The following CSMD1 variants were observed in gnomAD, a reference collection of about 807,000 sequenced individuals.
CSMD1 encodes CUB and sushi domain-containing protein 1.
CSMD1 carries 213 observed loss-of-function variants against 417.5 expected under a neutral mutation model. That is an observed-to-expected ratio of 0.51 (90% CI 0.46 to 0.57). The LOEUF is 0.57. Among genes scored for constraint, CSMD1 ranks in the 20% least tolerant of loss-of-function variants. The pLI is 0.00. For missense variants in CSMD1, 6,923 were observed against 4,529.7 expected (o/e 1.53, Z -15.17); for synonymous variants, 2,862 against 1,736.8 (o/e 1.65, Z -16.11).
chr8:3,182,647 A>G, intron 36 of CSMD1, among the ~76,000 whole-genome samples: 6 of 57,948 alleles, frequency 1.0e-4, no homozygotes, highest in Admixed American at 4.5e-4. Flanking sequence ...GTTAGTAGAG[A>G]AGGGGGACTC....
chr8:4,652,536 C>T (rs529872199), intron 1 of CSMD1, among the ~76,000 whole-genome samples: 51 of 152,034 alleles, frequency 3.4e-4, no homozygotes, highest in African/African-American at 1.2e-3. Context: ...CCTGTGATCC[C>T]AGCTACTCAG....
At chr8:3,581,862 T>C (rs1166943470) in intron 9 of CSMD1, among the ~76,000 whole-genome samples, 2 of 152,182 alleles carry the variant, frequency 1.3e-5, no homozygotes, top group Admixed American at 1.3e-4. Context: ...TGGAGTATAG[T>C]GGCACGATCT....
chr8:3,538,834 C>A (rs1349068835), intron 10 of CSMD1, among the ~76,000 whole-genome samples: 1 of 152,176 alleles, frequency 6.6e-6, no homozygotes, highest in Non-Finnish European at 1.5e-5. Flanking sequence ...CTCCTCTCAC[C>A]TGGAGTGCTG....
At position 4,058,607 on chromosome 8, in the gene CSMD1, C is replaced by G. The variant is rs367763929; in HGVS notation, c.416-26508G>C. 6.0e-5 allele frequency among the ~76,000 whole-genome samples: 9 copies of G among 150,936 alleles called. No individual in the cohort carries two copies. The East Asian group carries it at 1.6e-3, about 26-fold the overall frequency. ...AAAGGATGGAGGAAGATCTACCAAG[C>G]AAATGGAAAACAAAAAAAGGCAGGG... On this transcript the variant is annotated intron_variant, in intron 3 of 69. Transcript: ENST00000635120.
chr8:3,682,332 A>G (rs1043015194), intron 7 of CSMD1, among the ~76,000 whole-genome samples: 1 of 152,212 alleles, frequency 6.6e-6, no homozygotes, highest in Non-Finnish European at 1.5e-5. Flanking sequence ...AAAGAACCCA[A>G]ACAAATTTAC....
At chr8:3,708,520 A>C (rs1563295153) in intron 6 of CSMD1, 29 bp from the exon 7 acceptor site, 1 of 1,595,476 alleles carries the variant, frequency 6.3e-7, no homozygotes. Context: ...AGCCATTAGC[A>C]GGTAAGACTT....
chr8:4,617,775 T>G (rs187944058), intron 2 of CSMD1, among the ~76,000 whole-genome samples: 1 of 152,094 alleles, frequency 6.6e-6, no homozygotes, highest in African/African-American at 2.4e-5. Flanking sequence ...TATTAGAAAG[T>G]GAGTTATTTG....
intron 62 of CSMD1, among the ~76,000 whole-genome samples, chr8:2,959,458 C>T (rs899074965): frequency 3.3e-5 from 5 of 152,216 alleles, no homozygotes; most frequent in African/African-American, 9.6e-5. Flanking sequence ...GTTTGCAATT[C>T]CAACCAGACC....
At chr8:3,282,403 A>G (rs1046699876) in intron 26 of CSMD1, among the ~76,000 whole-genome samples, 5 of 152,314 alleles carry the variant, frequency 3.3e-5, no homozygotes, top group South Asian at 2.1e-4. Context: ...ATGCCTGGAG[A>G]ATACAGAATG....
intron 3 of CSMD1, among the ~76,000 whole-genome samples, chr8:4,348,306 A>T (rs1461273141): frequency 6.6e-6 from 1 of 152,086 alleles, no homozygotes; most frequent in African/African-American, 2.4e-5. Flanking sequence ...TGTTCTGTGG[A>T]TGCCTTTGTA....
chr8:2,986,031 C>T lies in CSMD1; in HGVS notation c.8378-7231G>A, dbSNP rs76056415. Reference sequence around the variant, plus strand: ...GGAGAGAGGGAGGGAGGGAGAAAACCGTCTCCATAGAAGAAGGAAGGAAGG... The same window carrying T: ...GGAGAGAGGGAGGGAGGGAGAAAACTGTCTCCATAGAAGAAGGAAGGAAGG... On this transcript the variant is annotated intron_variant, in intron 54 of 69. Transcript: ENST00000635120. 4.7e-3 allele frequency among the ~76,000 whole-genome samples: 682 copies of T among 144,278 alleles called. 5 individuals are homozygous for T. The highest frequency in any genetic ancestry group is 0.017 in the African/African-American group (633 of 36,472). The allele number at this position is 144,278 out of a possible 152,430, so 94.7% of individuals were successfully genotyped here. A position where few individuals can be genotyped will look rare whatever the true frequency, so the allele number is the denominator to read the frequency against.
At chr8:3,560,627 C>T (rs1436647413) in intron 10 of CSMD1, among the ~76,000 whole-genome samples, 6 of 151,974 alleles carry the variant, frequency 3.9e-5, no homozygotes, top group Non-Finnish European at 8.8e-5. Flanking sequence ...AATGAGATGG[C>T]GGGATGATAT....
intron 3 of CSMD1, among the ~76,000 whole-genome samples, chr8:4,179,951 G>T (rs1029601957): frequency 1.3e-5 from 2 of 152,060 alleles, no homozygotes; most frequent in East Asian, 3.9e-4. Context: ...AGGATGTGGA[G>T]AAATAGGAAC....
At chr8:4,201,279 C>T (rs1416730177) in intron 3 of CSMD1, among the ~76,000 whole-genome samples, 2 of 152,174 alleles carry the variant, frequency 1.3e-5, no homozygotes, top group Admixed American at 6.5e-5. Context: ...TGGCTCACGC[C>T]TGTAATCCCA....
At chr8:3,241,115 G>A (rs1224322223) in intron 26 of CSMD1, among the ~76,000 whole-genome samples, 4 of 151,350 alleles carry the variant, frequency 2.6e-5, no homozygotes, top group African/African-American at 9.7e-5. Context: ...TTGGGAAGAA[G>A]GGCGGCAATG....
At chr8:4,119,527 G>GC (rs1802357604) in intron 3 of CSMD1, among the ~76,000 whole-genome samples, 1 of 152,044 alleles carries the variant, frequency 6.6e-6, no homozygotes, top group South Asian at 2.1e-4. Flanking sequence ...GGGGTGCTTG[G>GC]GAAATAACCA....
At chr8:4,569,558 A>C (rs1280107409) in intron 2 of CSMD1, among the ~76,000 whole-genome samples, 1 of 152,134 alleles carries the variant, frequency 6.6e-6, no homozygotes, top group African/African-American at 2.4e-5. Flanking sequence ...CTTGTAATAT[A>C]GTTTGAAGTC....
chr8:3,562,778 G>C (rs1015681545), intron 10 of CSMD1, among the ~76,000 whole-genome samples: 24 of 152,114 alleles, frequency 1.6e-4, no homozygotes, highest in African/African-American at 5.8e-4. Context: ...GAGGGTGGAG[G>C]GTGGGAGGGG....
intron 2 of CSMD1, among the ~76,000 whole-genome samples, chr8:4,470,831 T>A (rs183337141): frequency 3.3e-5 from 5 of 152,330 alleles, no homozygotes; most frequent in African/African-American, 1.2e-4. Flanking sequence ...ATCGATGTTG[T>A]CTCTGGGCTT....
Sources: gnomAD v4.1 joint callset for allele counts (sites outside exome capture counted in the v4.1 genomes callset) on GRCh38, gnomAD v4.1.1 for gene constraint, MANE v1.5 for transcripts, NCBI Gene and HGNC (gene_info 2026-07-23, HGNC 2026-07-21) for gene names.